Variants in DMRT1 observed in about 807,000 individuals in gnomAD.
DMRT1 encodes doublesex- and mab-3-related transcription factor 1.
DMRT1 carries 7 observed loss-of-function variants against 32.3 expected under a neutral mutation model. That is an observed-to-expected ratio of 0.22 (90% CI 0.12 to 0.41). The LOEUF is 0.41. DMRT1 is among the 10% of genes least tolerant of loss of function. The probability of loss-of-function intolerance (pLI) is 1.00; values close to 1 mark genes in which losing one functional copy is unlikely to be tolerated. For missense variants in DMRT1, 625 were observed against 500.5 expected (o/e 1.25, Z -2.37); for synonymous variants, 278 against 206.1 (o/e 1.35, Z -2.99).
Position 890,206 on chromosome 9 carries a change from C to T in DMRT1, c.539-3706C>T, listed in dbSNP as rs562359475. On this transcript the variant is annotated intron_variant, in intron 2 of 4. Transcript: ENST00000382276. ...TCTCAGGCCGCCCGCCTCAGCCTCC[C>T]AAAGTGCTGGGATTACAGGCGTGAG... is the stretch of plus-strand genomic sequence containing the variant. Among the ~76,000 whole-genome samples, 3 of 151,898 alleles carry T rather than the reference C, an allele frequency of 2.0e-5. No individual in the cohort carries two copies. In the South Asian group the frequency reaches 6.3e-4, roughly 32 times the overall value.
chr9:865,170 G>C (rs1185169041), intron 2 of DMRT1, among the ~76,000 whole-genome samples: 1 of 152,112 alleles, frequency 6.6e-6, no homozygotes, highest in East Asian at 1.9e-4. Context: ...TATATGGCTT[G>C]ATCAAAGTTC....
intron 4 of DMRT1, among the ~76,000 whole-genome samples, chr9:928,151 A>G (rs891270133): frequency 6.6e-6 from 1 of 152,190 alleles, no homozygotes; most frequent in African/African-American, 2.4e-5. Flanking sequence ...AAAAGAGCAC[A>G]CTGAATTTAT....
rs538643003 is a variant in DMRT1, at chr9:862,477, G to C, written c.538+15334G>C. On this transcript the variant is annotated intron_variant, in intron 2 of 4. Coordinates refer to ENST00000382276, the MANE Select transcript of DMRT1 (RefSeq NM_021951.3). Reference sequence around the variant, plus strand: ...CACAGTCCAGCCTCGGCATCAGAGGGAGACGGTGCAAAGGGGAGACGAGGA... The same window carrying C: ...CACAGTCCAGCCTCGGCATCAGAGGCAGACGGTGCAAAGGGGAGACGAGGA... Among the ~76,000 whole-genome samples, 102 of 147,422 alleles carry C rather than the reference G, an allele frequency of 6.9e-4. 1 individual carries two copies. Among genetic ancestry groups the C allele is most frequent in the African/African-American group, 2.5e-3 (99 of 40,382 alleles).
intron 4 of DMRT1, among the ~76,000 whole-genome samples, chr9:937,778 T>C (rs1285071194): frequency 6.6e-6 from 1 of 152,172 alleles, no homozygotes; most frequent in East Asian, 1.9e-4. Flanking sequence ...CAAGTATTTT[T>C]TTTCCCATTC....
Position 897,880 on chromosome 9 carries a change from A to T in DMRT1, c.822+3685A>T, listed in dbSNP as rs565548222. Among the ~76,000 whole-genome samples the T allele has an allele frequency of 5.2e-4, 79 of 152,282 alleles. No homozygotes were observed. In the East Asian group the frequency reaches 0.013, roughly 25 times the overall value. On this transcript the variant is annotated intron_variant, in intron 3 of 4. Coordinates refer to ENST00000382276, the MANE Select transcript of DMRT1 (RefSeq NM_021951.3). ...ACATGCGAATATGGACCAAGTATGA[A>T]TGTGTATGGATTGATTTCTGTATCT...
chr9:903,028 C>T (rs62530267), intron 3 of DMRT1, among the ~76,000 whole-genome samples: 5 of 152,220 alleles, frequency 3.3e-5, no homozygotes, highest in African/African-American at 7.2e-5. Flanking sequence ...TGTCATGTTC[C>T]CTGAGTTTGG....
chr9:883,114 G>A (rs1375240517), intron 2 of DMRT1, among the ~76,000 whole-genome samples: 1 of 151,154 alleles, frequency 6.6e-6, no homozygotes, highest in African/African-American at 2.4e-5. Context: ...GATTCCATAC[G>A]CATAGCCTGC....
At chr9:911,493 T>G (rs1344176060) in intron 3 of DMRT1, among the ~76,000 whole-genome samples, 1 of 92,130 alleles carries the variant, frequency 1.1e-5, no homozygotes, top group African/African-American at 5.6e-5. Flanking sequence ...TTTTTTTTTT[T>G]TTTTTTTTTT....
intron 4 of DMRT1, among the ~76,000 whole-genome samples, chr9:952,880 T>C (rs901522768): frequency 6.6e-6 from 1 of 152,198 alleles, no homozygotes; most frequent in East Asian, 1.9e-4. Context: ...TGTTGGCGTG[T>C]TGGTTAGGCA....
chr9:878,380 G>A (rs758393874), intron 2 of DMRT1, among the ~76,000 whole-genome samples: 3 of 152,154 alleles, frequency 2.0e-5, no homozygotes, highest in Non-Finnish European at 2.9e-5. Flanking sequence ...AAGTAGAGGT[G>A]GTGGCTTGCA....
chr9:850,939 G>A lies in DMRT1; in HGVS notation c.538+3796G>A, dbSNP rs564716419. ...AGCTACTCGAGAGGCTGAGGCAGGG[G>A]AATCTCTTGAATCTGGGAGGTGGAG... On this transcript the variant is annotated intron_variant, in intron 2 of 4. Coordinates refer to ENST00000382276, the MANE Select transcript of DMRT1 (RefSeq NM_021951.3). Among the ~76,000 whole-genome samples the A allele has an allele frequency of 4.0e-5, 6 of 150,454 alleles. No individual in the cohort carries two copies. In the South Asian group the frequency reaches 1.1e-3, roughly 26 times the overall value.
intron 2 of DMRT1, among the ~76,000 whole-genome samples, chr9:882,450 T>C (rs1305403514): frequency 2.0e-5 from 3 of 152,218 alleles, no homozygotes; most frequent in Non-Finnish European, 2.9e-5. Context: ...AATGTTCTCT[T>C]GCTTAAAGGT....
At chr9:943,686 A>G (rs914855112) in intron 4 of DMRT1, among the ~76,000 whole-genome samples, 9 of 152,186 alleles carry the variant, frequency 5.9e-5, no homozygotes, top group Admixed American at 5.9e-4. Flanking sequence ...GCTAGAAGCA[A>G]GAGGTCAGGG....
intron 2 of DMRT1, among the ~76,000 whole-genome samples, chr9:869,996 G>A (rs1269779927): frequency 6.6e-6 from 1 of 152,190 alleles, no homozygotes; most frequent in East Asian, 1.9e-4. Flanking sequence ...GAGATAAACA[G>A]TTGAGCACCC....
intron 4 of DMRT1, among the ~76,000 whole-genome samples, chr9:924,898 CT>C (rs1170575543): frequency 6.6e-6 from 1 of 152,162 alleles, no homozygotes. Flanking sequence ...CTTCAAACTT[CT>C]TTCTCTTTCT....
chr9:954,574 T>C (rs1233671574), intron 4 of DMRT1, among the ~76,000 whole-genome samples: 4 of 152,086 alleles, frequency 2.6e-5, no homozygotes, highest in Middle Eastern at 3.2e-3. Flanking sequence ...AGGTTTGTTA[T>C]TGGAGGAGGA....
At chr9:941,338 C>CCCACACA (rs1554760857) in intron 4 of DMRT1, among the ~76,000 whole-genome samples, 1 of 135,512 alleles carries the variant, frequency 7.4e-6, no homozygotes, top group African/African-American at 3.1e-5. Flanking sequence ...CTCCCCCCCC[C>CCCACACA]CACACATATG....
intron 3 of DMRT1, among the ~76,000 whole-genome samples, chr9:901,749 T>G (rs1348998305): frequency 1.3e-5 from 2 of 151,910 alleles, no homozygotes; most frequent in Non-Finnish European, 2.9e-5. Flanking sequence ...TGGGAAGTTC[T>G]GGATGGAGAA....
intron 2 of DMRT1, among the ~76,000 whole-genome samples, chr9:877,473 G>T (rs1816552497): frequency 6.6e-6 from 1 of 152,160 alleles, no homozygotes. Context: ...TGCTATTTAT[G>T]TTGAAAAGCA....
Sources: gnomAD v4.1 joint callset for allele counts (sites outside exome capture counted in the v4.1 genomes callset) on GRCh38, gnomAD v4.1.1 for gene constraint, MANE v1.5 for transcripts, NCBI Gene and HGNC (gene_info 2026-07-23, HGNC 2026-07-21) for gene names.